The following GSG1L2 variants were observed in gnomAD, a reference collection of about 807,000 sequenced individuals.
The protein encoded by GSG1L2 is germ cell-specific gene 1-like protein 2.
GSG1L2 carries 15 observed loss-of-function variants against 9.0 expected under a neutral mutation model. The ratio of observed to expected loss-of-function variants is 1.67; its 90% CI spans 1.12 to 2.57. The LOEUF (loss-of-function observed/expected upper bound fraction) is 2.57. GSG1L2 is among the 30% of genes most tolerant of loss of function. The probability of loss-of-function intolerance (pLI) is 0.00; values close to 1 mark genes in which losing one functional copy is unlikely to be tolerated. For missense variants in GSG1L2, 286 were observed against 150.3 expected (o/e 1.90, Z -4.72); for synonymous variants, 127 against 57.9 (o/e 2.19, Z -5.41).
chr17:9,809,276 A>C (rs1597941177), intron 2 of GSG1L2: 1 of 397,052 alleles, frequency 2.5e-6, no homozygotes, highest in Non-Finnish European at 4.7e-6. Flanking sequence ...TCCATGCCCT[A>C]GCTCAAAAAC....
chr17:9,821,467 A>G (rs1024690291), intron 1 of GSG1L2, among the ~76,000 whole-genome samples: 1 of 152,232 alleles, frequency 6.6e-6, no homozygotes, highest in Non-Finnish European at 1.5e-5. Flanking sequence ...CAAGCTCTGT[A>G]TGTGAATCTG....
intron 1 of GSG1L2, among the ~76,000 whole-genome samples, chr17:9,815,388 G>A (rs561554597): frequency 3.3e-5 from 5 of 152,058 alleles, no homozygotes; most frequent in Non-Finnish European, 7.4e-5. Flanking sequence ...CAGTCTTCTC[G>A]TCTGTAAAAT....
intron 3 of GSG1L2, among the ~76,000 whole-genome samples, chr17:9,808,459 A>C (rs2066524443): frequency 6.6e-6 from 1 of 152,158 alleles, no homozygotes; most frequent in Non-Finnish European, 1.5e-5. Flanking sequence ...TAGAGAAGTA[A>C]CTTGCCTGAG....
At chr17:9,806,770 T>A (rs749842785) in intron 4 of GSG1L2, among the ~76,000 whole-genome samples, 1 of 152,150 alleles carries the variant, frequency 6.6e-6, no homozygotes, top group Non-Finnish European at 1.5e-5. Context: ...AAGGGACAGG[T>A]GCCCAGAGAA....
Position 9,820,147 on chromosome 17 carries a change from C to T in GSG1L2, c.310+1615G>A, listed in dbSNP as rs2066583346. On this transcript the variant is annotated intron_variant, in intron 1 of 4. Coordinates refer to ENST00000399363, the MANE Select transcript of GSG1L2 (RefSeq NM_001310219.2). The surrounding 1 kb of genome is among the most constrained non-coding windows in gnomAD (Gnocchi z 4.9). ...TAAGAATACAGACCTCTAGACTCCA[C>T]CCCGGCTCTCTTAAATTAGAACCTC... Among the ~76,000 whole-genome samples the T allele has an allele frequency of 6.6e-6, 1 of 152,052 alleles. No homozygotes were observed. The highest frequency in any genetic ancestry group is 2.4e-5 in the African/African-American group (1 of 41,404).
At chr17:9,808,629 A>G (rs1374833780) in intron 3 of GSG1L2, among the ~76,000 whole-genome samples, 1 of 152,148 alleles carries the variant, frequency 6.6e-6, no homozygotes, top group East Asian at 1.9e-4. Flanking sequence ...ATCTGTGCCT[A>G]GCCCCTTTTC....
chr17:9,816,868 G>GTATCTGTGTGTGTGTCTGTGTGTGTA (rs879425798), intron 1 of GSG1L2, among the ~76,000 whole-genome samples: 2 of 143,218 alleles, frequency 1.4e-5, no homozygotes, highest in African/African-American at 2.8e-5. Context: ...GTATGTGTGT[G>GTATCTGTGTGTGTGTCTGTGTGTGTA]TCTGTGTGTG....
In GSG1L2 at chr17:9,810,685, T is replaced by A; in HGVS notation, c.311-67A>T. The stretch of plus-strand genomic sequence containing the variant: ...CACAACCAGGGGGCAAATGGTGAAT[T>A]TCTAGCCCCTTAACTGGATGAGGAA... On this transcript the variant is annotated intron_variant, in intron 1 of 4. Transcript: ENST00000399363. 3 of 701,640 alleles carry A rather than the reference T, an allele frequency of 4.3e-6. No individual in the cohort carries two copies. In the South Asian group the frequency reaches 4.5e-5, roughly 10 times the overall value. The allele number at this position is 701,640 out of a possible 1,614,324, so 43.5% of individuals were successfully genotyped here.
chr17:9,808,865 A>G lies in GSG1L2; in HGVS notation c.476T>C (p.Val159Ala), dbSNP rs1464757723. 2 of 702,908 alleles carry G rather than the reference A, an allele frequency of 2.8e-6. No individual in the cohort carries two copies. The highest frequency in any genetic ancestry group is 5.2e-6 in the Non-Finnish European group (2 of 384,990). The allele number at this position is 702,908 out of a possible 1,614,324, so 43.5% of individuals were successfully genotyped here. The change falls in exon 3 of 5, where the codon GTG becomes GCG. Residue 159 changes from valine (V) to alanine (A), a missense_variant. Val to Ala is a moderately conservative substitution (Grantham distance 64). Coordinates refer to ENST00000399363, the MANE Select transcript of GSG1L2 (RefSeq NM_001310219.2). ...CRSPGFHWLR[V>A]DALVAIFMVL... ...CATGAAGATGGCTACCAAGGCATCC[A>G]CCCTGAGCCAGTGGAACCCAGGGCT...
chr17:9,821,340 C>T (rs901600589), intron 1 of GSG1L2, among the ~76,000 whole-genome samples: 2 of 152,194 alleles, frequency 1.3e-5, no homozygotes, highest in Non-Finnish European at 2.9e-5. Context: ...GATGCACCTT[C>T]GAGTTGGGTC....
chr17:9,809,291 A>AT, intron 2 of GSG1L2: 1 of 381,798 alleles, frequency 2.6e-6, no homozygotes, highest in East Asian at 6.3e-5. Context: ...AAAAACTACC[A>AT]TTGTGTCTGG....
At position 9,817,585 on chromosome 17, in the gene GSG1L2, C is replaced by T. The variant is rs541352762; in HGVS notation, c.310+4177G>A. 2.6e-5 allele frequency among the ~76,000 whole-genome samples: 4 copies of T among 152,172 alleles called. No homozygotes were observed. The South Asian group carries it at 6.2e-4, about 24-fold the overall frequency. ...AATTACAGGCACCCACCACCACACC[C>T]GGCTAATTTTTGTATTTTTAGTAGA... On this transcript the variant is annotated intron_variant, in intron 1 of 4. Coordinates refer to ENST00000399363, the MANE Select transcript of GSG1L2 (RefSeq NM_001310219.2).
chr17:9,816,607 T>C, intron 1 of GSG1L2, among the ~76,000 whole-genome samples: 2 of 37,246 alleles, frequency 5.4e-5, no homozygotes, highest in Non-Finnish European at 9.4e-5. Context: ...TGTGTCTGTG[T>C]GTGTCTGTGT....
chr17:9,808,963 G>T lies in GSG1L2; in HGVS notation c.378C>A (p.Ile126=). 1.4e-6 allele frequency: 1 copy of T among 703,040 alleles called. No individual in the cohort carries two copies. The highest frequency in any genetic ancestry group is 2.6e-6 in the Non-Finnish European group (1 of 385,018). 43.6% of individuals were successfully genotyped at this position (703,040 alleles called of 1,614,324 possible). Residue 126 remains isoleucine (I), a synonymous_variant, in exon 3 of 5, where the codon ATC becomes ATA. Transcript: ENST00000399363. Reference sequence around the variant, plus strand: ...GAACGATATCCAGGACCTCGCCCCCGATGGACAGCCACAAAACACCTGCCA... The same window carrying T: ...GAACGATATCCAGGACCTCGCCCCCTATGGACAGCCACAAAACACCTGCCA... The part of the protein sequence containing the change: ...AEEQGVLWLS[I]GGEVLDIVLI...
chr17:9,810,744 A>C (rs772544570), intron 1 of GSG1L2, 126 bp from the exon 2 acceptor site: 3 of 660,474 alleles, frequency 4.5e-6, no homozygotes, highest in Middle Eastern at 6.9e-4. Flanking sequence ...CTGCTCAGGG[A>C]CATGAGCTGC....
intron 3 of GSG1L2, among the ~76,000 whole-genome samples, chr17:9,808,235 A>G (rs2066523566): frequency 6.6e-6 from 1 of 152,182 alleles, no homozygotes. Context: ...CTCCCTGGAA[A>G]GGCCCACTTA....
intron 1 of GSG1L2, among the ~76,000 whole-genome samples, chr17:9,811,309 A>G (rs1028864978): frequency 6.6e-6 from 1 of 152,174 alleles, no homozygotes; most frequent in African/African-American, 2.4e-5. Context: ...TTTCTTGACT[A>G]TGAAAGGAAG....
At chr17:9,803,575 AGG>A (rs2066505666) in intron 4 of GSG1L2, among the ~76,000 whole-genome samples, 4 of 152,226 alleles carry the variant, frequency 2.6e-5, no homozygotes, top group Non-Finnish European at 4.4e-5. Context: ...GATAAAGAGA[AGG>A]GCTGTGTGGT....
At position 9,822,038 on chromosome 17, in the gene GSG1L2, G is replaced by A; in HGVS notation, c.34C>T (p.Leu12Phe). Reference sequence around the variant, plus strand: ...GTGAGGGCGAGGCAGACAGGGAGGAGGAGCAGCGCCTGCTGCTGCTTGGCC... The same window carrying A: ...GTGAGGGCGAGGCAGACAGGGAGGAAGAGCAGCGCCTGCTGCTGCTTGGCC... Reference protein sequence around the residue: ...DRAKQQQALLLLPVCLALTFS... With the variant: ...DRAKQQQALLFLPVCLALTFS... The change falls in exon 1 of 5, where the codon CTC becomes TTC. Residue 12 changes from leucine to phenylalanine, a missense_variant. Physicochemically the swap from Leu to Phe is conservative, Grantham distance 22. Transcript: ENST00000399363. 1 of 702,304 alleles carries A rather than the reference G, an allele frequency of 1.4e-6. No individual in the cohort carries two copies. Among genetic ancestry groups the A allele is most frequent in the South Asian group, 1.5e-5 (1 of 67,564 alleles). The allele number at this position is 702,304 out of a possible 1,614,324, so 43.5% of individuals were successfully genotyped here. A position where few individuals can be genotyped will look rare whatever the true frequency, so the allele number is the denominator to read the frequency against.
Sources: gnomAD v4.1 joint callset for allele counts (sites outside exome capture counted in the v4.1 genomes callset) on GRCh38, gnomAD v4.1.1 for gene constraint, Gnocchi (gnomAD v3.1) non-coding constraint, MANE v1.5 for transcripts, NCBI Gene and HGNC (gene_info 2026-07-23, HGNC 2026-07-21) for gene names.